The following NEK5 variants were observed in gnomAD, a reference collection of about 807,000 sequenced individuals.
NEK5 encodes the protein NIMA related kinase 5.
In NEK5, 88 loss-of-function variants were observed where a neutral mutation model predicts 109.2. The ratio of observed to expected loss-of-function variants is 0.81; its 90% CI spans 0.68 to 0.96. NEK5 has a LOEUF of 0.96. Among genes scored for constraint, NEK5 ranks in the 40% least tolerant of loss-of-function variants. The pLI is 0.00. For missense variants in NEK5, 834 were observed against 920.7 expected, an observed-to-expected ratio of 0.91 and a Z score of 1.22; for synonymous variants, 283 against 299.9, an observed-to-expected ratio of 0.94 and a Z score of 0.58.
intron 3 of NEK5, among the ~76,000 whole-genome samples, chr13:52,122,957 G>C (rs999165749): frequency 6.6e-6 from 1 of 152,068 alleles, no homozygotes; most frequent in Non-Finnish European, 1.5e-5. Flanking sequence ...TTTCTACAAC[G>C]AACATTTTTA....
At chr13:52,040,726 T>C (rs998145434) in intron 23 of NEK5, among the ~76,000 whole-genome samples, 2 of 152,198 alleles carry the variant, frequency 1.3e-5, no homozygotes, top group African/African-American at 4.8e-5. Context: ...AGTGCTTCAG[T>C]GAAAAAATCC....
chr13:52,104,410 A>G, intron 9 of NEK5, 88 bp downstream of exon 9: 1 of 936,818 alleles, frequency 1.1e-6, no homozygotes, highest in Non-Finnish European at 1.8e-6. Flanking sequence ...ATCTAATAAA[A>G]CCAAACATTA....
At chr13:52,039,238 G>A (rs1954393877) in intron 23 of NEK5, among the ~76,000 whole-genome samples, 1 of 152,188 alleles carries the variant, frequency 6.6e-6, no homozygotes, top group Non-Finnish European at 1.5e-5. Context: ...ACAGTCACAC[G>A]ATGAGTGTGT....
chr13:52,080,060 C>CTGG (rs1954959689), intron 17 of NEK5, among the ~76,000 whole-genome samples: 5 of 151,414 alleles, frequency 3.3e-5, no homozygotes, highest in Admixed American at 6.6e-5. Flanking sequence ...GCCCCTCCGC[C>CTGG]CGGCAGCCGC....
intron 4 of NEK5, among the ~76,000 whole-genome samples, chr13:52,114,228 AAAAC>A (rs1399029461): frequency 3.3e-5 from 5 of 152,354 alleles, no homozygotes; most frequent in South Asian, 2.1e-4. Context: ...GGATTCATTA[AAAAC>A]AAACAAACAA....
intron 17 of NEK5, among the ~76,000 whole-genome samples, chr13:52,080,981 T>C (rs1036631706): frequency 7.7e-6 from 1 of 129,174 alleles, no homozygotes; most frequent in Non-Finnish European, 1.7e-5. Flanking sequence ...ATAAAAAATA[T>C]GTCATTTAAA....
At chr13:52,042,711 T>C (rs1415504966) in intron 23 of NEK5, among the ~76,000 whole-genome samples, 1 of 152,072 alleles carries the variant, frequency 6.6e-6, no homozygotes, top group Non-Finnish European at 1.5e-5. Flanking sequence ...AAGGAAGGAA[T>C]ACTGAGCAAC....
Position 52,099,832 on chromosome 13 carries a change from T to A in NEK5, c.937A>T (p.Arg313Ter), listed in dbSNP as rs769082304. The A allele has an allele frequency of 6.2e-6, 10 of 1,613,850 alleles. No individual in the cohort carries two copies. Among genetic ancestry groups the A allele is most frequent in the Non-Finnish European group, 7.6e-6 (9 of 1,179,822 alleles). ...TTAATTGGCACAGATATCCTTGATC[T>A]TGGTGGGCACTTTCCCTGGAATCTC... ...KVRFQGKCPP[R>*]SRISVPIKRN... is the part of the protein sequence containing the mutation. The change falls in exon 12 of 24, where the codon AGA becomes TGA. Residue 313 changes from arginine to a stop codon, truncating the protein, a stop_gained. Transcript: ENST00000684899. LOFTEE classifies it high-confidence loss of function.
chr13:52,119,698 A>G (rs1185580399), intron 3 of NEK5, among the ~76,000 whole-genome samples: 2 of 152,160 alleles, frequency 1.3e-5, no homozygotes, highest in Admixed American at 1.3e-4. Flanking sequence ...ATCTAGCCAT[A>G]TGGAGCCATA....
chr13:52,105,982 G>A lies in NEK5; in HGVS notation c.555-1430C>T, dbSNP rs1593986460. The stretch of plus-strand genomic sequence containing the variant: ...CCCAAAGTGCTGGGATTATAGGCAT[G>A]AGCCACCATATCCAGCAGCATTTAA... On this transcript the variant is annotated intron_variant, in intron 8 of 23. Transcript: ENST00000684899. Among the ~76,000 whole-genome samples the A allele has an allele frequency of 4.6e-5, 7 of 152,078 alleles. No individual in the cohort carries two copies. The South Asian group carries it at 1.5e-3, about 32-fold the overall frequency.
chr13:52,072,526 T>C (rs1954801106), intron 19 of NEK5, among the ~76,000 whole-genome samples: 1 of 152,190 alleles, frequency 6.6e-6, no homozygotes, highest in Admixed American at 6.5e-5. Flanking sequence ...TAAAACTTTT[T>C]GGACTCCATT....
intron 23 of NEK5, among the ~76,000 whole-genome samples, chr13:52,048,573 T>C (rs998839482): frequency 6.6e-6 from 1 of 152,214 alleles, no homozygotes; most frequent in Non-Finnish European, 1.5e-5. Flanking sequence ...TTAAAATTCA[T>C]AATCACATCA....
chr13:52,114,644 G>C (rs1955817472), intron 4 of NEK5, among the ~76,000 whole-genome samples: 1 of 152,178 alleles, frequency 6.6e-6, no homozygotes, highest in South Asian at 2.1e-4. Flanking sequence ...CTCAGCATTG[G>C]GTGAGAAGTG....
In NEK5 at chr13:52,076,053, T is replaced by C. The variant is rs1226757707; in HGVS notation, c.1653+10A>G. 6.5e-7 allele frequency: 1 copy of C among 1,536,624 alleles called. No individual in the cohort carries two copies. The highest frequency in any genetic ancestry group is 8.9e-7 in the Non-Finnish European group (1 of 1,117,900). On this transcript the variant is annotated intron_variant, in intron 18 of 23. Coordinates refer to ENST00000684899, the MANE Select transcript of NEK5 (RefSeq NM_001365552.1). ...TTAATATGGAACCCAAAGACAAAAG[T>C]ATTTCTTACCTTAGCTTTATATTTC...
chr13:52,110,390 G>A lies in NEK5; in HGVS notation c.417C>T (p.Asn139=), dbSNP rs771329490. 4.5e-5 allele frequency: 73 copies of A among 1,612,980 alleles called. No homozygotes were observed. The highest frequency in any genetic ancestry group is 2.5e-4 in the East Asian group (11 of 44,862). The part of the protein sequence containing the change: ...IKAQNIFLSK[N]GMVAKLGDFG... ...AGTCCCCAAGCTTTGCCACCATTCCGTTCTTGCTAAGAAAAATGTTCTATA... is the reference window on the plus strand; with the variant it reads ...AGTCCCCAAGCTTTGCCACCATTCCATTCTTGCTAAGAAAAATGTTCTATA... The change falls in exon 7 of 24, where the codon AAC becomes AAT. Residue 139 remains asparagine (N), a synonymous_variant. Coordinates refer to ENST00000684899, the MANE Select transcript of NEK5 (RefSeq NM_001365552.1).
chr13:52,103,487 T>A (rs1488913396), intron 9 of NEK5, among the ~76,000 whole-genome samples: 3 of 152,076 alleles, frequency 2.0e-5, no homozygotes, highest in African/African-American at 7.2e-5. Context: ...CCCTTGACAA[T>A]AATTAATAAC....
intron 23 of NEK5, among the ~76,000 whole-genome samples, chr13:52,037,816 G>A (rs61958803): frequency 0.036 from 5,504 of 152,100 alleles, 135 homozygotes; most frequent in South Asian, 0.09. Context: ...CCAGCTACTC[G>A]GGAGGCTGAG....
At chr13:52,097,036 A>G (rs1216441103) in intron 12 of NEK5, among the ~76,000 whole-genome samples, 1 of 152,234 alleles carries the variant, frequency 6.6e-6, no homozygotes, top group Non-Finnish European at 1.5e-5. Flanking sequence ...CCATTGCTTC[A>G]GAGGGTGCAA....
chr13:52,089,259 C>G lies in NEK5; in HGVS notation c.1263G>C (p.Val421=). The G allele has an allele frequency of 1.9e-6, 3 of 1,596,612 alleles. No homozygotes were observed. Among genetic ancestry groups the G allele is most frequent in the Non-Finnish European group, 2.6e-6 (3 of 1,164,796 alleles). ...KFEAQQYKLK[V]EKQLGLRPSS... is the part of the protein sequence containing the mutation. The stretch of plus-strand genomic sequence containing the variant: ...GTATTTTACTTACCAATTGCTTCTC[C>G]ACTTTCAACTTATATTGTTGAGCTT... The change falls in exon 14 of 24, where the codon GTG becomes GTC. Residue 421 remains valine, a synonymous_variant. Transcript: ENST00000684899.
Sources: allele counts gnomAD v4.1 joint callset (sites outside exome capture counted in the v4.1 genomes callset), GRCh38; gene constraint gnomAD v4.1.1; transcripts MANE v1.5; gene names NCBI Gene and HGNC (gene_info 2026-07-23, HGNC 2026-07-21).